Variants in BRAT1 observed in about 807,000 individuals in gnomAD.
The protein encoded by BRAT1 is integrator complex assembly factor BRAT1.
A neutral mutation model predicts 70.6 loss-of-function variants in BRAT1; 74 were observed. The observed-to-expected ratio is 1.05, with a 90% CI of 0.87 to 1.27. The LOEUF (loss-of-function observed/expected upper bound fraction) is 1.27. BRAT1 is among the 50% of genes most tolerant of loss of function. The pLI, the probability that BRAT1 is intolerant of heterozygous loss-of-function variation, is 0.00. For synonymous variants in BRAT1, 615 were observed against 517.1 expected, an observed-to-expected ratio of 1.19 and a Z score of -2.57; for missense variants, 1,203 against 1,098.2, an observed-to-expected ratio of 1.10 and a Z score of -1.35.
rs753141535 is a variant in BRAT1, at chr7:2,541,002, C to G, written c.1372G>C (p.Glu458Gln). 3.9e-6 allele frequency: 6 copies of G among 1,556,210 alleles called. No individual in the cohort carries two copies. The highest frequency in any genetic ancestry group is 4.7e-5 in the East Asian group (2 of 42,198). ...QALAVLLECL[E>Q]SPGSSPTVLK... ...ACCGTGGGGCTGGAGCCGGGGCTCT[C>G]GAGGCACTCCAGGAGGACAGCAAGC... The change falls in exon 10 of 14, where the codon GAG becomes CAG. Residue 458 changes from glutamate to glutamine, a missense_variant. By Grantham distance (29) the Glu-to-Gln change is conservative. Transcript: ENST00000340611.
At chr7:2,540,352 G>C (rs1779051199) in intron 10 of BRAT1, 1 of 159,512 alleles carries the variant, frequency 6.3e-6, no homozygotes, top group East Asian at 1.9e-4. Flanking sequence ...ACAGCTGTGA[G>C]CCCCACGCCC....
At chr7:2,540,113 G>A (rs1779033195) in intron 10 of BRAT1, 1 of 491,536 alleles carries the variant, frequency 2.0e-6, no homozygotes, top group South Asian at 3.3e-5. Flanking sequence ...CCACCTCCCA[G>A]GCTCAAACAG....
chr7:2,544,757 A>T (rs1011186154), intron 4 of BRAT1, 152 bp downstream of exon 4: 39 of 1,265,278 alleles, frequency 3.1e-5, no homozygotes, highest in Non-Finnish European at 3.8e-5. Flanking sequence ...TGCCAACCAG[A>T]GAACACTGGA....
rs1189353039 is a variant in BRAT1 at position 2,545,016 on chromosome 7, G to A, written c.323C>T (p.Pro108Leu). The A allele has an allele frequency of 6.5e-7, 1 of 1,534,088 alleles. No individual in the cohort carries two copies. The highest frequency in any genetic ancestry group is 2.1e-5 in the Admixed American group (1 of 46,886). The part of the protein sequence containing the change: ...LLPGLFGEPG[P>L]LGRATWAVPT... ...GACGGCCCAGGTTGCTCGGCCGAGG[G>A]GTCCTGGCTCCCCAAAGAGCCCTGG... The change falls in exon 4 of 14, where the codon CCC (proline) becomes CTC (leucine). Residue 108 changes from proline to leucine, a missense_variant. Physicochemically the swap from Pro to Leu is moderately conservative, Grantham distance 98. Coordinates refer to ENST00000340611, the MANE Select transcript of BRAT1 (RefSeq NM_152743.4).
intron 3 of BRAT1, among the ~76,000 whole-genome samples, chr7:2,546,990 G>C (rs1037795103): frequency 6.6e-6 from 1 of 151,634 alleles, no homozygotes; most frequent in Non-Finnish European, 1.5e-5. Flanking sequence ...AGAGACGGAG[G>C]CCACGGCGCA....
chr7:2,554,502 T>A, intron 1 of BRAT1, 55 bp from the exon 2 acceptor site: 1 of 1,540,686 alleles, frequency 6.5e-7, no homozygotes, highest in Non-Finnish European at 8.7e-7. Flanking sequence ...CCCAGCTCGC[T>A]CTAGTCACAG....
At chr7:2,547,042 G>T (rs1205161834) in intron 3 of BRAT1, among the ~76,000 whole-genome samples, 2 of 89,964 alleles carry the variant, frequency 2.2e-5, no homozygotes, top group Non-Finnish European at 4.2e-5. Flanking sequence ...ATGGAGGCTT[G>T]CGGCCGTGGG....
At chr7:2,539,513 G>T in intron 12 of BRAT1, 31 bp downstream of exon 12, 1 of 1,531,254 alleles carries the variant, frequency 6.5e-7, no homozygotes, top group Non-Finnish European at 8.8e-7. Context: ...CACAGGCGGG[G>T]AAGGCAGCCC....
intron 2 of BRAT1, among the ~76,000 whole-genome samples, chr7:2,548,778 T>C (rs1779794697): frequency 6.6e-6 from 1 of 151,184 alleles, no homozygotes; most frequent in Non-Finnish European, 1.5e-5. Context: ...CTGGCAAACA[T>C]GGTGAATGAA....
chr7:2,551,055 C>T (rs572596030), intron 2 of BRAT1, among the ~76,000 whole-genome samples: 1 of 151,984 alleles, frequency 6.6e-6, no homozygotes, highest in East Asian at 1.9e-4. Flanking sequence ...GCCTGGCCAA[C>T]ATGATGAAAT....
At chr7:2,550,019 T>C (rs1779883004) in intron 2 of BRAT1, among the ~76,000 whole-genome samples, 1 of 151,376 alleles carries the variant, frequency 6.6e-6, no homozygotes, top group Non-Finnish European at 1.5e-5. Context: ...AAAAATTAGC[T>C]GGGTGTGGTG....
Position 2,538,682 on chromosome 7 carries a change from T to A in BRAT1, c.1853A>T (p.Glu618Val). 1.3e-6 allele frequency: 2 copies of A among 1,598,352 alleles called. No homozygotes were observed. ...PRRAVMQVFT[E>V]WLRDGHADAA... ...GTCGGCGTGGCCGTCCCGCAGCCAC[T>A]CAGTGAAGACTTGCATGACCGCCCG... is the stretch of plus-strand genomic sequence containing the variant. Residue 618 changes from glutamate (E) to valine (V), a missense_variant, in exon 14 of 14, where the codon GAG becomes GTG. Coordinates refer to ENST00000340611, the MANE Select transcript of BRAT1 (RefSeq NM_152743.4).
At chr7:2,551,902 A>C (rs559363344) in intron 2 of BRAT1, among the ~76,000 whole-genome samples, 1 of 150,380 alleles carries the variant, frequency 6.6e-6, no homozygotes, top group Non-Finnish European at 1.5e-5. Flanking sequence ...CAATAATAAA[A>C]AGACTGGAAA....
Position 2,545,496 on chromosome 7 carries a change from C to T in BRAT1, c.283-440G>A, listed in dbSNP as rs138008186. ...TACTTCTGGAGGACACTTTCTTCTTCTTTTTTTTTTTTTTGAGACAGTCCC... is the reference window on the plus strand; with the variant it reads ...TACTTCTGGAGGACACTTTCTTCTTTTTTTTTTTTTTTTTGAGACAGTCCC... On this transcript the variant is annotated intron_variant, in intron 3 of 13. Coordinates refer to ENST00000340611, the MANE Select transcript of BRAT1 (RefSeq NM_152743.4). 1.1e-3 allele frequency among the ~76,000 whole-genome samples: 143 copies of T among 129,990 alleles called. 5 individuals carry two copies. Among genetic ancestry groups the T allele is most frequent in the African/African-American group, 3.8e-3 (128 of 33,648 alleles). 85.3% of individuals were successfully genotyped at this position (129,990 alleles called of 152,430 possible).
rs775762160 is a variant in BRAT1, at chr7:2,539,688, A to G, written c.1499-46T>C. ...TCAGGGTGACCTTGGGGCCAGGCTC[A>G]CCCTGCCCTCAGAGCCAGCTGAGCC... On this transcript the variant is annotated intron_variant, in intron 11 of 13. Transcript: ENST00000340611. 5 of 1,555,472 alleles carry G rather than the reference A, an allele frequency of 3.2e-6. No individual in the cohort carries two copies. The African/African-American group carries it at 6.8e-5, about 21-fold the overall frequency.
chr7:2,539,118 C>T, intron 13 of BRAT1, 61 bp downstream of exon 13: 1 of 1,535,508 alleles, frequency 6.5e-7, no homozygotes, highest in Non-Finnish European at 8.8e-7. Flanking sequence ...CACCCGCAAG[C>T]AAACGAGCAC....
Position 2,545,033 on chromosome 7 carries a change from G to A in BRAT1, c.306C>T (p.Leu102=). The change falls in exon 4 of 14, where the codon CTC becomes CTT. Residue 102 remains leucine (L), a synonymous_variant. Coordinates refer to ENST00000340611, the MANE Select transcript of BRAT1 (RefSeq NM_152743.4). ...GGCCGAGGGGTCCTGGCTCCCCAAAGAGCCCTGGTAGTAACTCCCCCTGCT... is the reference window on the plus strand; with the variant it reads ...GGCCGAGGGGTCCTGGCTCCCCAAAAAGCCCTGGTAGTAACTCCCCCTGCT... ...YLQQGELLPG[L]FGEPGPLGRA... 1.3e-6 allele frequency: 2 copies of A among 1,519,140 alleles called. No individual in the cohort carries two copies. The highest frequency in any genetic ancestry group is 1.3e-5 in the South Asian group (1 of 78,584). 94.1% of individuals were successfully genotyped at this position (1,519,140 alleles called of 1,614,324 possible). A position where few individuals can be genotyped will look rare whatever the true frequency, so the allele number is the denominator to read the frequency against.
intron 1 of BRAT1, among the ~76,000 whole-genome samples, 170 bp downstream of exon 1, chr7:2,555,317 T>C (rs2128417301): frequency 6.6e-6 from 1 of 150,962 alleles, no homozygotes; most frequent in African/African-American, 2.4e-5. Context: ...GGCCCGAGAG[T>C]CCAGAAGGGG....
At chr7:2,545,161 C>T (rs779182770) in intron 3 of BRAT1, 105 bp from the exon 4 acceptor site, 29 of 1,261,880 alleles carry the variant, frequency 2.3e-5, no homozygotes, top group East Asian at 1.7e-4. Flanking sequence ...GTCAGGAGTT[C>T]GAGACCAGCC....
Sources: gnomAD v4.1 joint callset for allele counts (sites outside exome capture counted in the v4.1 genomes callset) on GRCh38, gnomAD v4.1.1 for gene constraint, MANE v1.5 for transcripts, NCBI Gene and HGNC (gene_info 2026-07-23, HGNC 2026-07-21) for gene names.